The following GALNT13 variants were observed in gnomAD, a reference collection of about 807,000 sequenced individuals.
The protein encoded by GALNT13 is polypeptide N-acetylgalactosaminyltransferase 13.
A neutral mutation model predicts 64.2 loss-of-function variants in GALNT13; 28 were observed. The ratio of observed to expected loss-of-function variants is 0.44; its 90% CI spans 0.32 to 0.60. The LOEUF (loss-of-function observed/expected upper bound fraction) is 0.60. GALNT13 is among the 20% of genes least tolerant of loss of function. The pLI is 0.05. For synonymous variants in GALNT13, 214 were observed against 224.6 expected (o/e 0.95, Z 0.42); for missense variants, 577 against 669.8 (o/e 0.86, Z 1.53).
the GALNT13 span, among the ~76,000 whole-genome samples, chr2:153,402,267 C>T: frequency 6.6e-5 from 10 of 151,932 alleles, no homozygotes; most frequent in African/African-American, 2.4e-4. Context: ...CCACTCTCTT[C>T]TGGCTTGTAG....
the GALNT13 span, among the ~76,000 whole-genome samples, chr2:153,460,742 C>A: frequency 6.6e-6 from 1 of 152,054 alleles, no homozygotes; most frequent in African/African-American, 2.4e-5. Context: ...AGCCCTGGTG[C>A]TGACTAAATA....
chr2:154,368,052 C>G (rs1277139744), intron 9 of GALNT13, among the ~76,000 whole-genome samples: 2 of 152,074 alleles, frequency 1.3e-5, no homozygotes, highest in African/African-American at 2.4e-5. Context: ...TTTGGGCCAA[C>G]AGCGGACATT....
chr2:153,893,663 A>G (rs1687703993), intron 1 of GALNT13, among the ~76,000 whole-genome samples: 1 of 152,046 alleles, frequency 6.6e-6, no homozygotes, highest in Non-Finnish European at 1.5e-5. Flanking sequence ...TTTGAAGATT[A>G]GATTTTGGAA....
chr2:154,315,906 G>A (rs762237786), intron 9 of GALNT13, among the ~76,000 whole-genome samples: 7 of 152,108 alleles, frequency 4.6e-5, no homozygotes, highest in Non-Finnish European at 7.4e-5. Context: ...TGACCAACAT[G>A]GTCAAACCCT....
At chr2:154,193,324 T>C (rs1686700128) in intron 4 of GALNT13, among the ~76,000 whole-genome samples, 1 of 152,222 alleles carries the variant, frequency 6.6e-6, no homozygotes, top group Non-Finnish European at 1.5e-5. Context: ...AGTTTTTTAT[T>C]CTTGTTAAAT....
the GALNT13 span, among the ~76,000 whole-genome samples, chr2:153,493,692 T>C: frequency 6.6e-6 from 1 of 151,866 alleles, no homozygotes; most frequent in South Asian, 2.1e-4. Flanking sequence ...AAAAATAAAA[T>C]CATTATAGAT....
chr2:154,211,801 A>C (rs1559027629), intron 4 of GALNT13, among the ~76,000 whole-genome samples: 1 of 152,078 alleles, frequency 6.6e-6, no homozygotes, highest in Non-Finnish European at 1.5e-5. Flanking sequence ...TTATGGTCCT[A>C]GATAAGATAT....
chr2:153,256,026 T>G, the GALNT13 span, among the ~76,000 whole-genome samples: 2 of 152,204 alleles, frequency 1.3e-5, no homozygotes. Context: ...CTTGCTAGAT[T>G]GGGGAAGTTC....
the GALNT13 span, among the ~76,000 whole-genome samples, chr2:153,744,123 T>A: frequency 6.6e-6 from 1 of 152,200 alleles, no homozygotes; most frequent in Non-Finnish European, 1.5e-5. Context: ...TTTTGAATAG[T>A]GTTGCAATAA....
At chr2:153,309,610 C>T in the GALNT13 span, among the ~76,000 whole-genome samples, 1 of 151,636 alleles carries the variant, frequency 6.6e-6, no homozygotes. Flanking sequence ...ACTTTCTTTT[C>T]TGACAAGCTT....
chr2:154,405,012 A>C (rs1699463905), intron 10 of GALNT13, among the ~76,000 whole-genome samples: 4 of 152,088 alleles, frequency 2.6e-5, no homozygotes, highest in South Asian at 2.1e-4. Context: ...GAAAAGCATG[A>C]CTGATGTAAG....
At chr2:153,868,952 A>G (rs1452327913), upstream of GALNT13, among the ~76,000 whole-genome samples, 1 of 152,230 alleles carries the variant, frequency 6.6e-6, no homozygotes, top group African/African-American at 2.4e-5. Context: ...CTTATGAGGT[A>G]AATAATGATA....
At chr2:154,342,779 T>A (rs778346550) in intron 9 of GALNT13, among the ~76,000 whole-genome samples, 11 of 151,866 alleles carry the variant, frequency 7.2e-5, no homozygotes, top group Non-Finnish European at 1.2e-4. Flanking sequence ...TTTTATACAG[T>A]TGTATCTATA....
chr2:153,674,895 C>T, the GALNT13 span, among the ~76,000 whole-genome samples: 2 of 152,116 alleles, frequency 1.3e-5, no homozygotes, highest in African/African-American at 4.8e-5. Flanking sequence ...AGGATATGAA[C>T]AGACACTTCT....
chr2:153,291,744 G>GAAAA, the GALNT13 span, among the ~76,000 whole-genome samples: 2 of 134,866 alleles, frequency 1.5e-5, no homozygotes, highest in Non-Finnish European at 1.6e-5. Flanking sequence ...TGTTCAAAAG[G>GAAAA]AAAAAAAAAA....
At chr2:154,160,170 C>A (rs1684651094) in intron 4 of GALNT13, among the ~76,000 whole-genome samples, 1 of 152,166 alleles carries the variant, frequency 6.6e-6, no homozygotes, top group Admixed American at 6.6e-5. Flanking sequence ...TACTATGGTG[C>A]AGCCTAGTTT....
At chr2:154,393,000 G>T (rs1202620022) in intron 9 of GALNT13, among the ~76,000 whole-genome samples, 1 of 152,120 alleles carries the variant, frequency 6.6e-6, no homozygotes, top group Admixed American at 6.6e-5. Flanking sequence ...GTTTTTCCTT[G>T]AGAAAATCAG....
chr2:153,552,565 G>GCTT, the GALNT13 span, among the ~76,000 whole-genome samples: 10 of 141,030 alleles, frequency 7.1e-5, no homozygotes, highest in Admixed American at 4.2e-4. Context: ...TCTTCTGCCT[G>GCTT]CTTCTTCTTC....
At chr2:153,354,262 G>T in the GALNT13 span, 1 of 152,170 alleles carries the variant, frequency 6.6e-6, no homozygotes, top group African/African-American at 2.4e-5. Flanking sequence ...GCCAGAGTTT[G>T]AGCAAACATC....
Sources: allele counts gnomAD v4.1 joint callset (sites outside exome capture counted in the v4.1 genomes callset), GRCh38; gene constraint gnomAD v4.1.1; transcripts MANE v1.5; gene names NCBI Gene and HGNC (gene_info 2026-07-23, HGNC 2026-07-21).